Variants in SMS observed in about 807,000 individuals in gnomAD.
The protein encoded by SMS is spermine synthase.
In SMS, 3 loss-of-function variants were observed where a neutral mutation model predicts 33.0. That is an observed-to-expected ratio of 0.09 (90% confidence interval 0.04 to 0.23). SMS has a LOEUF of 0.23. SMS is among the 10% of genes least tolerant of loss of function. SMS has a pLI of 1.00. For missense variants in SMS, 117 were observed against 288.6 expected (o/e 0.41, Z 4.31); for synonymous variants, 103 against 112.2 (o/e 0.92, Z 0.52).
intron 1 of SMS, among the ~76,000 whole-genome samples, chrX:21,943,094 G>A (rs1364290618): frequency 4.5e-5 from 5 of 111,354 alleles, no homozygotes. Context: ...CGATCCGCCT[G>A]CCTCAGCCTC....
At chrX:21,948,043 ATTGCACAGGT>A (rs1270818753) in intron 1 of SMS, among the ~76,000 whole-genome samples, 1 of 111,141 alleles carries the variant, frequency 9.0e-6, no homozygotes, top group African/African-American at 3.3e-5. Flanking sequence ...AAGATTCTTA[ATTGCACAGGT>A]TATGCTCTAT....
chrX:21,954,009 C>T (rs1018398148), intron 1 of SMS, among the ~76,000 whole-genome samples: 1 of 109,658 alleles, frequency 9.1e-6, no homozygotes, highest in Admixed American at 9.9e-5. Context: ...ATTCGGTACT[C>T]TTAAGTATTC....
At chrX:21,970,179 C>T (rs750619202) in intron 2 of SMS, among the ~76,000 whole-genome samples, 22 of 112,170 alleles carry the variant, frequency 2.0e-4, no homozygotes, top group African/African-American at 5.5e-4. Flanking sequence ...GTACCCACCC[C>T]GAGGTGCCTG....
At chrX:21,943,141 C>G (rs1218768108) in intron 1 of SMS, among the ~76,000 whole-genome samples, 1 of 111,898 alleles carries the variant, frequency 8.9e-6, no homozygotes, top group Non-Finnish European at 1.9e-5. Flanking sequence ...GCCACCGTGC[C>G]GGTGTGTCCA....
intron 1 of SMS, chrX:21,960,036 CGTGT>C: frequency 4.9e-6 from 1 of 203,160 alleles, no homozygotes; most frequent in Non-Finnish European, 5.7e-6. Flanking sequence ...TGTGTACATC[CGTGT>C]GTGTGTGTGT....
chrX:21,965,747 CAAAAT>C (rs71941598), intron 1 of SMS, among the ~76,000 whole-genome samples: 22 of 104,887 alleles, frequency 2.1e-4, no homozygotes, highest in South Asian at 8.2e-4. Flanking sequence ...GACTCTGTCT[CAAAAT>C]AAAATAAAAT....
At chrX:21,955,867 G>T (rs1473717554) in intron 1 of SMS, among the ~76,000 whole-genome samples, 1 of 111,823 alleles carries the variant, frequency 8.9e-6, no homozygotes, top group Non-Finnish European at 1.9e-5. Flanking sequence ...TGAAAGGCAG[G>T]CTTTAGTATA....
intron 9 of SMS, among the ~76,000 whole-genome samples, chrX:21,987,751 C>G (rs985415986): frequency 8.9e-6 from 1 of 112,573 alleles, no homozygotes; most frequent in Non-Finnish European, 1.9e-5. Context: ...GGATCCACTA[C>G]AAACTAGTCA....
At chrX:21,971,742 C>T (rs1478546899) in intron 2 of SMS, among the ~76,000 whole-genome samples, 155 bp from the exon 3 acceptor site, 2 of 111,610 alleles carry the variant, frequency 1.8e-5, no homozygotes, top group African/African-American at 6.5e-5. Context: ...CCCCGCAAGA[C>T]GCAGCCCTAG....
At chrX:21,945,634 T>TCCCCCCCCCCCCCCCCCC (rs376720187) in intron 1 of SMS, among the ~76,000 whole-genome samples, 7 of 34,142 alleles carry the variant, frequency 2.1e-4, no homozygotes, top group Admixed American at 4.2e-4. Context: ...TTGCTTCCCG[T>TCCCCCCCCCCCCCCCCCC]CCCCCCCCCC....
chrX:21,967,467 T>A, intron 2 of SMS, 151 bp downstream of exon 2: 2 of 586,886 alleles, frequency 3.4e-6, no homozygotes, highest in Admixed American at 2.7e-5. Context: ...CAACCGTAGC[T>A]GCACATCAGA....
At position 21,940,839 on chromosome X, in the gene SMS, G is replaced by A. The variant is rs1921699119; in HGVS notation, c.15G>A (p.Arg5=). The A allele has an allele frequency of 3.6e-6, 4 of 1,120,270 alleles. No individual in the cohort carries two copies. In the East Asian group the frequency reaches 1.1e-4, roughly 31 times the overall value. 92.3% of individuals were successfully genotyped at this position (1,120,270 alleles called of 1,213,427 possible). A position where few individuals can be genotyped will look rare whatever the true frequency, so the allele number is the denominator to read the frequency against. Residue 5 remains arginine (R), a synonymous_variant, in exon 1 of 11, where the codon CGG becomes CGA. Coordinates refer to ENST00000404933, the MANE Select transcript of SMS (RefSeq NM_004595.5). Reference sequence around the variant, plus strand: ...CTCGCCTCACTATGGCAGCAGCACGGCACAGCACGCTCGACTTCATGCTCG... The same window carrying A: ...CTCGCCTCACTATGGCAGCAGCACGACACAGCACGCTCGACTTCATGCTCG... MAAA[R]HSTLDFMLGA... is the part of the protein sequence containing the mutation.
At chrX:21,993,682 C>T (rs1019423775) in intron 10 of SMS, among the ~76,000 whole-genome samples, 1 of 112,227 alleles carries the variant, frequency 8.9e-6, no homozygotes, top group African/African-American at 3.2e-5. Context: ...GCTGGGTGGC[C>T]GTGTCCCTCC....
chrX:21,982,880 A>G (rs754734080), intron 7 of SMS, among the ~76,000 whole-genome samples: 20 of 112,209 alleles, frequency 1.8e-4, no homozygotes, highest in Admixed American at 8.5e-4. Flanking sequence ...AGTACCTCCT[A>G]TATTTTTCCA....
chrX:21,942,930 C>T (rs1235982764), intron 1 of SMS, among the ~76,000 whole-genome samples: 6 of 106,796 alleles, frequency 5.6e-5, no homozygotes, highest in African/African-American at 2.1e-4. Flanking sequence ...ACTTCCATCT[C>T]CTGGGTTCAA....
Position 21,940,838 on chromosome X carries a change from G to T in SMS, c.14G>T (p.Arg5Leu). The T allele has an allele frequency of 8.9e-7, 1 of 1,120,494 alleles. No homozygotes were observed. Among genetic ancestry groups the T allele is most frequent in the Non-Finnish European group, 1.2e-6 (1 of 854,976 alleles). The allele number at this position is 1,120,494 out of a possible 1,213,427, so 92.3% of individuals were successfully genotyped here. A position where few individuals can be genotyped will look rare whatever the true frequency, so the allele number is the denominator to read the frequency against. The stretch of plus-strand genomic sequence containing the variant: ...CCTCGCCTCACTATGGCAGCAGCAC[G>T]GCACAGCACGCTCGACTTCATGCTC... MAAA[R>L]HSTLDFMLGA... Residue 5 changes from arginine (R) to leucine (L), a missense_variant, in exon 1 of 11, where the codon CGG becomes CTG. Arg to Leu is a moderately radical substitution (Grantham distance 102, BLOSUM62 -2). Coordinates refer to ENST00000404933, the MANE Select transcript of SMS (RefSeq NM_004595.5).
intron 2 of SMS, among the ~76,000 whole-genome samples, chrX:21,970,600 A>G (rs6633497): frequency 0.34 from 36,446 of 108,488 alleles, 4,698 homozygotes; most frequent in African/African-American, 0.44. Context: ...ACAGGGTCTC[A>G]CTCTGTCGCC....
intron 8 of SMS, 129 bp from the exon 9 acceptor site, chrX:21,985,015 T>TAGTG: frequency 2.2e-6 from 1 of 464,530 alleles, no homozygotes; most frequent in African/African-American, 2.4e-5. Flanking sequence ...GCTCTTTGAA[T>TAGTG]AGTGGGTCTT....
intron 1 of SMS, among the ~76,000 whole-genome samples, chrX:21,965,639 T>C (rs1236260916): frequency 2.0e-5 from 2 of 99,131 alleles, no homozygotes; most frequent in Non-Finnish European, 4.0e-5. Context: ...TCCTAGCTAC[T>C]CGGGAGGCTG....
Sources: gnomAD v4.1 joint callset for allele counts (sites outside exome capture counted in the v4.1 genomes callset) on GRCh38, gnomAD v4.1.1 for gene constraint, MANE v1.5 for transcripts, NCBI Gene and HGNC (gene_info 2026-07-23, HGNC 2026-07-21) for gene names.